Variants in ITPK1 observed in about 807,000 individuals in gnomAD.
ITPK1 encodes the protein inositol-tetrakisphosphate 1-kinase, also known as inositol 1,3,4-trisphosphate 5/6-kinase.
In ITPK1, 21 loss-of-function variants were observed where a neutral mutation model predicts 45.3. The ratio of observed to expected loss-of-function variants is 0.46; its 90% confidence interval spans 0.33 to 0.67. The LOEUF is 0.67. ITPK1 is among the 30% of genes least tolerant of loss of function. The pLI, the probability that ITPK1 is intolerant of heterozygous loss-of-function variation, is 0.02. For missense variants in ITPK1, 474 were observed against 573.5 expected (o/e 0.83, Z 1.77); for synonymous variants, 258 against 253.6 (o/e 1.02, Z -0.16).
At chr14:93,003,871 G>T (rs1352668236) in intron 4 of ITPK1, among the ~76,000 whole-genome samples, 2 of 152,250 alleles carry the variant, frequency 1.3e-5, no homozygotes, top group African/African-American at 4.8e-5. Flanking sequence ...TTCACTTTAT[G>T]TGTGTTTCTG....
chr14:92,944,152 G>C (rs1485048576), intron 10 of ITPK1, among the ~76,000 whole-genome samples: 1 of 152,158 alleles, frequency 6.6e-6, no homozygotes, highest in Non-Finnish European at 1.5e-5. Flanking sequence ...TCTCTGGAGG[G>C]GCCCTCTCCC....
intron 3 of ITPK1, among the ~76,000 whole-genome samples, chr14:93,057,392 ACACTCACTCACACATT>A (rs1048199273): frequency 2.0e-5 from 3 of 152,210 alleles, no homozygotes; most frequent in African/African-American, 4.8e-5. Context: ...TCCCACATGC[ACACTCACTCACACATT>A]CACTCACTCA....
intron 3 of ITPK1, among the ~76,000 whole-genome samples, chr14:93,051,760 C>G (rs1009958248): frequency 2.6e-4 from 39 of 152,374 alleles, no homozygotes; most frequent in African/African-American, 9.4e-4. Context: ...AGACCGGAAA[C>G]CACCCTGTGC....
chr14:93,026,566 C>G lies in ITPK1; in HGVS notation c.121-9765G>C, dbSNP rs1431584865. ...CTCGACGGCAGCAAGTTGGTAATAT[C>G]CATCACAATATAAATGCATAACCTT... On this transcript the variant is annotated intron_variant, in intron 3 of 10. Transcript: ENST00000267615. Among the ~76,000 whole-genome samples the G allele has an allele frequency of 2.0e-5, 3 of 152,200 alleles. No individual in the cohort carries two copies. The East Asian group carries it at 5.8e-4, about 29-fold the overall frequency.
At position 92,941,547 on chromosome 14, in the gene ITPK1, T is replaced by C; in HGVS notation, c.*14A>G. The C allele has an allele frequency of 2.0e-6, 3 of 1,522,110 alleles. No individual in the cohort carries two copies. The highest frequency in any genetic ancestry group is 2.6e-6 in the Non-Finnish European group (3 of 1,140,320). 94.3% of individuals were successfully genotyped at this position (1,522,110 alleles called of 1,614,324 possible). On this transcript the variant is annotated 3_prime_UTR_variant, in exon 11 of 11. Coordinates refer to ENST00000267615, the MANE Select transcript of ITPK1 (RefSeq NM_014216.6). ...CTGCGCCCTGCGCTGCCCCTCTGGG[T>C]CCCGGCTCCGTGGCTACTGGGAGGA...
At position 92,993,989 on chromosome 14, in the gene ITPK1, G is replaced by C. The variant is rs375334505; in HGVS notation, c.255C>G (p.Ile85Met). 6.2e-7 allele frequency: 1 copy of C among 1,610,264 alleles called. No homozygotes were observed. Among genetic ancestry groups the C allele is most frequent in the Admixed American group, 1.7e-5 (1 of 60,024 alleles). ...LELVHRFQEY[I>M]DAHPETIVLD... is the part of the protein sequence containing the mutation. The stretch of plus-strand genomic sequence containing the variant: ...GGACGATGGTCTCAGGGTGGGCATC[G>C]ATGTACTCCTGAAAGGGAAGCATGC... The change falls in exon 5 of 11, where the codon ATC becomes ATG. Residue 85 changes from isoleucine (I) to methionine (M), a missense_variant. Ile to Met is a conservative substitution (Grantham distance 10). Coordinates refer to ENST00000267615, the MANE Select transcript of ITPK1 (RefSeq NM_014216.6).
chr14:93,054,095 T>A (rs1365576693), intron 3 of ITPK1, among the ~76,000 whole-genome samples: 1 of 152,042 alleles, frequency 6.6e-6, no homozygotes, highest in Non-Finnish European at 1.5e-5. Flanking sequence ...TTTCCCCACA[T>A]CCCCTCCACC....
In ITPK1 at chr14:93,099,022, G is replaced by A. The variant is rs527449458; in HGVS notation, c.95+16047C>T. On this transcript the variant is annotated intron_variant, in intron 2 of 10. Coordinates refer to ENST00000267615, the MANE Select transcript of ITPK1 (RefSeq NM_014216.6). Reference sequence around the variant, plus strand: ...AACCTCCAGCCCAGCCCCTTTGCCCGGGGCCCTCGGAACTGGGGCCCTGAT... The same window carrying A: ...AACCTCCAGCCCAGCCCCTTTGCCCAGGGCCCTCGGAACTGGGGCCCTGAT... Among the ~76,000 whole-genome samples the A allele has an allele frequency of 7.0e-4, 107 of 152,278 alleles. 1 individual carries two copies. The highest frequency in any genetic ancestry group is 2.9e-4 in the African/African-American group (12 of 41,554).
Position 93,115,297 on chromosome 14 carries a change from C to A in ITPK1, c.-134G>T. 1 of 495,588 alleles carries A rather than the reference C, an allele frequency of 2.0e-6. No homozygotes were observed. Among genetic ancestry groups the A allele is most frequent in the Non-Finnish European group, 3.5e-6 (1 of 287,510 alleles). 30.7% of individuals were successfully genotyped at this position (495,588 alleles called of 1,614,324 possible). On this transcript the variant is annotated 5_prime_UTR_variant, in exon 2 of 11. Transcript: ENST00000267615. Reference sequence around the variant, plus strand: ...CGCGGAACGGGGATCGGAGCTGGGGCGCGCAGTCCTGCCGCGCGGAGCGGA... The same window carrying A: ...CGCGGAACGGGGATCGGAGCTGGGGAGCGCAGTCCTGCCGCGCGGAGCGGA...
At chr14:92,967,241 AAG>A (rs1357646367) in intron 5 of ITPK1, among the ~76,000 whole-genome samples, 3 of 152,244 alleles carry the variant, frequency 2.0e-5, no homozygotes, top group African/African-American at 7.2e-5. Flanking sequence ...AACAATTAAA[AAG>A]ATATCTCTAT....
intron 3 of ITPK1, among the ~76,000 whole-genome samples, chr14:93,054,865 G>A (rs1890156869): frequency 6.6e-6 from 1 of 152,132 alleles, no homozygotes; most frequent in Non-Finnish European, 1.5e-5. Context: ...CATAAGAAAG[G>A]AAGGACATGC....
chr14:93,103,433 G>T (rs8013274), intron 2 of ITPK1, among the ~76,000 whole-genome samples: 39,525 of 151,476 alleles, frequency 0.26, 5,792 homozygotes, highest in African/African-American at 0.41. Flanking sequence ...AAAAAAATAA[G>T]AAGAAGAAGA....
chr14:93,084,310 A>G (rs953498898), intron 2 of ITPK1, among the ~76,000 whole-genome samples: 5 of 152,260 alleles, frequency 3.3e-5, no homozygotes, highest in Non-Finnish European at 5.9e-5. Context: ...GTCCCCCACA[A>G]GGAGATTTAG....
intron 3 of ITPK1, among the ~76,000 whole-genome samples, chr14:93,019,180 G>T (rs1164820766): frequency 6.6e-6 from 1 of 152,220 alleles, no homozygotes; most frequent in Non-Finnish European, 1.5e-5. Flanking sequence ...AGCGCAGGGG[G>T]AGCCGGGCCA....
intron 7 of ITPK1, among the ~76,000 whole-genome samples, chr14:92,959,886 C>T (rs1034335436): frequency 2.0e-5 from 3 of 152,150 alleles, no homozygotes; most frequent in Non-Finnish European, 2.9e-5. Context: ...GCCGGGAGTG[C>T]GCGGGCTGGG....
intron 5 of ITPK1, among the ~76,000 whole-genome samples, chr14:92,972,575 A>G (rs1355814632): frequency 5.3e-5 from 8 of 151,796 alleles, no homozygotes; most frequent in Non-Finnish European, 8.8e-5. Context: ...ATACTTCCCA[A>G]CTCTTTTGTT....
intron 5 of ITPK1, among the ~76,000 whole-genome samples, chr14:92,986,120 C>A (rs1023113756): frequency 6.6e-6 from 1 of 152,194 alleles, no homozygotes; most frequent in African/African-American, 2.4e-5. Context: ...AGCCATGCAA[C>A]CACTCTGGGC....
intron 10 of ITPK1, among the ~76,000 whole-genome samples, chr14:92,944,422 T>C (rs989345567): frequency 1.3e-5 from 2 of 152,068 alleles, no homozygotes; most frequent in Non-Finnish European, 2.9e-5. Flanking sequence ...TTGGCTTCTC[T>C]GGAAGAACCC....
chr14:92,950,571 G>A (rs894767388), intron 9 of ITPK1, among the ~76,000 whole-genome samples: 4 of 152,242 alleles, frequency 2.6e-5, no homozygotes, highest in Non-Finnish European at 5.9e-5. Flanking sequence ...ACCCCTTCCC[G>A]TTTTACAGAT....
Sources: gnomAD v4.1 joint callset for allele counts (sites outside exome capture counted in the v4.1 genomes callset) on GRCh38, gnomAD v4.1.1 for gene constraint, MANE v1.5 for transcripts, NCBI Gene and HGNC (gene_info 2026-07-23, HGNC 2026-07-21) for gene names.